Variants in POLA2 observed in about 807,000 individuals in gnomAD.
The protein encoded by POLA2 is DNA polymerase alpha 2, accessory subunit.
In POLA2, 47 loss-of-function variants were observed where a neutral mutation model predicts 82.8. The ratio of observed to expected loss-of-function variants is 0.57; its 90% confidence interval spans 0.45 to 0.72. POLA2 has a LOEUF of 0.72. Among genes scored for constraint, POLA2 ranks in the 30% least tolerant of loss-of-function variants. The probability of loss-of-function intolerance (pLI) is 0.00; values close to 1 mark genes in which losing one functional copy is unlikely to be tolerated. For synonymous variants in POLA2, 287 were observed against 286.8 expected (o/e 1.00, Z -0.01); for missense variants, 634 against 728.1 (o/e 0.87, Z 1.49).
intron 13 of POLA2, among the ~76,000 whole-genome samples, chr11:65,292,057 G>A (rs1046263760): frequency 9.9e-5 from 15 of 152,146 alleles, no homozygotes; most frequent in Admixed American, 9.2e-4. Context: ...TGGCCAACAC[G>A]GCGAAACCCC....
At chr11:65,279,292 G>C (rs1481578497) in intron 6 of POLA2, among the ~76,000 whole-genome samples, 1 of 152,082 alleles carries the variant, frequency 6.6e-6, no homozygotes, top group East Asian at 1.9e-4. Context: ...GATGGGGTGG[G>C]GTTCATGCTG....
intron 5 of POLA2, 86 bp downstream of exon 5, chr11:65,276,084 TATTA>T: frequency 1.5e-6 from 1 of 686,800 alleles, no homozygotes; most frequent in Non-Finnish European, 2.4e-6. Context: ...ACAGCAGAGT[TATTA>T]ATTAACTATA....
chr11:65,295,846 TTC>T lies in POLA2; in HGVS notation c.1521-12_1521-11del. 1.2e-6 allele frequency: 2 copies of T among 1,601,476 alleles called. No homozygotes were observed. Among genetic ancestry groups the T allele is most frequent in the Non-Finnish European group, 1.7e-6 (2 of 1,169,664 alleles). On this transcript the variant is annotated splice_polypyrimidine_tract_variant and intron_variant, in intron 16 of 17. Coordinates refer to ENST00000265465, the MANE Select transcript of POLA2 (RefSeq NM_002689.4). ...CCCCCGGTCAGCTAGTGCTGACAAT[TTC>T]TCTCTGTCTCTGTAGCTACTACCCA...
intron 17 of POLA2, among the ~76,000 whole-genome samples, 164 bp from the exon 18 acceptor site, chr11:65,296,956 A>G (rs1308352383): frequency 5.9e-5 from 9 of 152,012 alleles, no homozygotes. Flanking sequence ...CTCAAAAAAA[A>G]AAAAAAAAAA....
intron 8 of POLA2, among the ~76,000 whole-genome samples, chr11:65,304,887 CAG>C (rs1386615477): frequency 1.3e-5 from 2 of 152,038 alleles, no homozygotes; most frequent in African/African-American, 4.8e-5. Flanking sequence ...ACGTGGCAGT[CAG>C]AGTGGTGTTT....
chr11:65,291,543 C>G (rs766434938), intron 13 of POLA2, among the ~76,000 whole-genome samples: 1 of 152,166 alleles, frequency 6.6e-6, no homozygotes, highest in Non-Finnish European at 1.5e-5. Context: ...TCAAGTTCAT[C>G]AGGCCTGGAG....
At chr11:65,290,617 CAAGTT>C (rs775483472) in intron 13 of POLA2, among the ~76,000 whole-genome samples, 5 of 152,256 alleles carry the variant, frequency 3.3e-5, no homozygotes, top group Admixed American at 6.5e-5. Context: ...ACTTCAAGTG[CAAGTT>C]AAGAGGCATC....
Position 65,266,584 on chromosome 11 carries a change from G to T in POLA2, c.82G>T (p.Val28Leu), listed in dbSNP as rs2137491931. 6.2e-7 allele frequency: 1 copy of T among 1,614,120 alleles called. No individual in the cohort carries two copies. Among genetic ancestry groups the T allele is most frequent in the East Asian group, 2.2e-5 (1 of 44,886 alleles). The change falls in exon 2 of 18, where the codon GTA becomes TTA. Residue 28 changes from valine (V) to leucine (L), a missense_variant and splice_region_variant. Coordinates refer to ENST00000265465, the MANE Select transcript of POLA2 (RefSeq NM_002689.4). ...TTGTCCAATTTTCCTTTCTACAGTG[G>T]TAGAGCTTTGTGTTCAGTATGGACA... is the stretch of plus-strand genomic sequence containing the variant. The part of the protein sequence containing the change: ...DCEEALIEKL[V>L]ELCVQYGQNE...
chr11:65,266,548 T>C, intron 1 of POLA2, 34 bp from the exon 2 acceptor site: 2 of 1,611,064 alleles, frequency 1.2e-6, no homozygotes, highest in Non-Finnish European at 1.7e-6. Context: ...AGAAATGAAC[T>C]AAGTTTTTAC....
chr11:65,262,091 T>TA lies in POLA2; in HGVS notation c.-195dup, dbSNP rs1565460811. The TA allele has an allele frequency of 5.4e-6, 3 of 557,062 alleles. No homozygotes were observed. The highest frequency in any genetic ancestry group is 3.4e-5 in the Admixed American group (1 of 29,448). 34.5% of individuals were successfully genotyped at this position (557,062 alleles called of 1,614,324 possible). A position where few individuals can be genotyped will look rare whatever the true frequency, so the allele number is the denominator to read the frequency against. On this transcript the variant is annotated 5_prime_UTR_variant, in exon 1 of 18. Transcript: ENST00000265465. ...GTTTGGGAGCCACCCCTTCATTTTT[T>TA]AAAAAAAGTATTTCTCTGTGACCGA...
At chr11:65,299,363 C>T (rs1390680805), downstream of POLA2, among the ~76,000 whole-genome samples, 1 of 152,228 alleles carries the variant, frequency 6.6e-6, no homozygotes. Context: ...CAGAAGGAGC[C>T]GCCCTCCCTT....
chr11:65,280,709 A>G, intron 7 of POLA2: 1 of 405,992 alleles, frequency 2.5e-6, no homozygotes, highest in South Asian at 2.9e-5. Flanking sequence ...AGGGTGGGGT[A>G]GGCATCCAGG....
intron 16 of POLA2, 47 bp from the exon 17 acceptor site, chr11:65,295,817 G>A: frequency 1.3e-6 from 2 of 1,589,988 alleles, no homozygotes; most frequent in Non-Finnish European, 1.7e-6. Context: ...TCTGAGAAGG[G>A]GGCCCCCCGG....
At chr11:65,271,897 G>A (rs1468931378) in intron 4 of POLA2, among the ~76,000 whole-genome samples, 1 of 151,728 alleles carries the variant, frequency 6.6e-6, no homozygotes, top group Non-Finnish European at 1.5e-5. Flanking sequence ...GAGTTGGAGT[G>A]AAATGTTGAG....
intron 14 of POLA2, 81 bp downstream of exon 14, chr11:65,294,342 G>A: frequency 1.7e-6 from 2 of 1,201,668 alleles, no homozygotes; most frequent in Non-Finnish European, 2.5e-6. Context: ...GAAGGGGAGG[G>A]TGGAGAGGCC....
At chr11:65,302,253 T>C (rs1198379076), downstream of POLA2, among the ~76,000 whole-genome samples, 9 of 152,168 alleles carry the variant, frequency 5.9e-5, no homozygotes, top group Non-Finnish European at 8.8e-5. Flanking sequence ...GGGCTGAGCA[T>C]TTTCGTGCTG....
chr11:65,274,373 G>GAA (rs997829122), intron 4 of POLA2, among the ~76,000 whole-genome samples: 1 of 141,670 alleles, frequency 7.1e-6, no homozygotes, highest in Admixed American at 7.2e-5. Flanking sequence ...TTCCGTCTCG[G>GAA]AAAAAAAAAA....
At chr11:65,281,180 C>A in intron 8 of POLA2, 33 bp downstream of exon 8, 1 of 1,603,266 alleles carries the variant, frequency 6.2e-7, no homozygotes, top group Non-Finnish European at 8.5e-7. Flanking sequence ...AGAATGCAGG[C>A]GCACTCTTTA....
intron 10 of POLA2, chr11:65,287,504 G>A: frequency 2.6e-6 from 1 of 388,458 alleles, no homozygotes; most frequent in East Asian, 4.1e-5. Context: ...CATGTTCTAG[G>A]TATTCGTGTA....
Sources: gnomAD v4.1 joint callset for allele counts (sites outside exome capture counted in the v4.1 genomes callset) on GRCh38, gnomAD v4.1.1 for gene constraint, MANE v1.5 for transcripts, NCBI Gene and HGNC (gene_info 2026-07-23, HGNC 2026-07-21) for gene names.